MYO3B: variants seen among roughly 807,000 people sequenced by gnomAD.
MYO3B encodes myosin-IIIb.
In MYO3B, 156 loss-of-function variants were observed where a neutral mutation model predicts 174.6. The ratio of observed to expected loss-of-function variants is 0.89; its 90% CI spans 0.78 to 1.02. The LOEUF (loss-of-function observed/expected upper bound fraction) is 1.02. Ranked by LOEUF, MYO3B falls within the 50% of genes least tolerant of loss-of-function variation. The pLI is 0.00. For synonymous variants in MYO3B, 563 were observed against 569.1 expected, an observed-to-expected ratio of 0.99 and a Z score of 0.15; for missense variants, 1,632 against 1,639.4, an observed-to-expected ratio of 1.00 and a Z score of 0.08.
At chr2:170,415,682 C>T (rs902829821) in intron 22 of MYO3B, among the ~76,000 whole-genome samples, 1 of 152,194 alleles carries the variant, frequency 6.6e-6, no homozygotes, top group Admixed American at 6.5e-5. Flanking sequence ...AAAGATACCA[C>T]ATGACCAATG....
At chr2:170,367,662 C>T (rs944486333) in intron 8 of MYO3B, among the ~76,000 whole-genome samples, 2 of 152,124 alleles carry the variant, frequency 1.3e-5, no homozygotes, top group Non-Finnish European at 2.9e-5. Flanking sequence ...AGCATTTTTG[C>T]ATAATATCTA....
At chr2:170,645,005 C>G (rs1698256223) in intron 32 of MYO3B, among the ~76,000 whole-genome samples, 2 of 152,112 alleles carry the variant, frequency 1.3e-5, no homozygotes, top group Admixed American at 6.6e-5. Context: ...ATGTTAAATG[C>G]AAACTGGTAT....
intron 25 of MYO3B, 33 bp downstream of exon 25, chr2:170,466,744 T>A (rs769558033): frequency 6.2e-7 from 1 of 1,603,950 alleles, no homozygotes; most frequent in Admixed American, 1.7e-5. Flanking sequence ...TGCATTCTTA[T>A]AAATGTAGCT....
At chr2:170,605,125 G>T (rs141684645) in intron 32 of MYO3B, among the ~76,000 whole-genome samples, 1 of 152,138 alleles carries the variant, frequency 6.6e-6, no homozygotes, top group Non-Finnish European at 1.5e-5. Flanking sequence ...CAGATCCAGG[G>T]CATCTTCTCT....
intron 25 of MYO3B, among the ~76,000 whole-genome samples, chr2:170,473,070 G>A (rs1483107855): frequency 6.7e-6 from 1 of 148,216 alleles, no homozygotes; most frequent in East Asian, 2.0e-4. Flanking sequence ...ATTAATATTT[G>A]TTGAGTTGAA....
At position 170,411,361 on chromosome 2, in the gene MYO3B, A is replaced by G. The variant is rs144206743; in HGVS notation, c.2650+3517A>G. 1.2e-4 allele frequency among the ~76,000 whole-genome samples: 18 copies of G among 152,374 alleles called. No individual in the cohort carries two copies. In the East Asian group the frequency reaches 2.1e-3, roughly 18 times the overall value. On this transcript the variant is annotated intron_variant, in intron 22 of 34. Transcript: ENST00000408978. ...ACCTAAATGATATAATCTACTATAC[A>G]TCTAGGCTATATGTTGTAGTCTACT...
At chr2:170,447,262 G>A (rs372924902) in intron 23 of MYO3B, among the ~76,000 whole-genome samples, 2 of 152,212 alleles carry the variant, frequency 1.3e-5, no homozygotes, top group African/African-American at 4.8e-5. Flanking sequence ...AGTTTTCAAT[G>A]TGTCTTGCTT....
At chr2:170,264,962 G>C (rs1376963220) in intron 7 of MYO3B, among the ~76,000 whole-genome samples, 3 of 152,186 alleles carry the variant, frequency 2.0e-5, no homozygotes, top group Non-Finnish European at 2.9e-5. Context: ...TAAGCCAAAG[G>C]GGCAAGTGGA....
chr2:170,624,109 G>A (rs1332785520), intron 32 of MYO3B, among the ~76,000 whole-genome samples: 2 of 152,192 alleles, frequency 1.3e-5, no homozygotes, highest in Non-Finnish European at 2.9e-5. Context: ...ATTCTGTGAA[G>A]AAAGTCATTG....
At position 170,214,739 on chromosome 2, in the gene MYO3B, A is replaced by G. The variant is rs374177997; in HGVS notation, c.437A>G (p.His146Arg). Reference protein sequence around the residue: ...ILYGALLGLQHLHNNRIIHRD... With the variant: ...ILYGALLGLQRLHNNRIIHRD... Reference sequence around the variant, plus strand: ...TGGGATGCCATGCAGGGCCTTCAGCATTTGCACAACAACCGAATCATCCAC... The same window carrying G: ...TGGGATGCCATGCAGGGCCTTCAGCGTTTGCACAACAACCGAATCATCCAC... Residue 146 changes from histidine (H) to arginine (R), a missense_variant, in exon 5 of 35, where the codon CAT becomes CGT. By Grantham distance (29) the His-to-Arg change is conservative. Transcript: ENST00000408978. The G allele has an allele frequency of 1.0e-4, 169 of 1,614,052 alleles. No individual in the cohort carries two copies. Among genetic ancestry groups the G allele is most frequent in the Admixed American group, 2.0e-4 (12 of 60,010 alleles).
chr2:170,515,819 TCTCA>T (rs1400531636), intron 29 of MYO3B, among the ~76,000 whole-genome samples: 2 of 152,108 alleles, frequency 1.3e-5, no homozygotes, highest in African/African-American at 4.8e-5. Flanking sequence ...CTTTAGTATC[TCTCA>T]CTCAGTCTGT....
At chr2:170,629,737 C>A (rs1257136384) in intron 32 of MYO3B, among the ~76,000 whole-genome samples, 5 of 152,142 alleles carry the variant, frequency 3.3e-5, no homozygotes, top group African/African-American at 1.2e-4. Context: ...ATAATCCCAG[C>A]TACTCACGAG....
chr2:170,338,442 T>G (rs543086503), intron 8 of MYO3B, among the ~76,000 whole-genome samples: 2 of 152,300 alleles, frequency 1.3e-5, no homozygotes, highest in South Asian at 4.1e-4. Context: ...CTTCTTGACC[T>G]CAGCCCTCCA....
chr2:170,652,060 A>G, intron 33 of MYO3B, 48 bp from the exon 34 acceptor site: 1 of 1,569,984 alleles, frequency 6.4e-7, no homozygotes, highest in Middle Eastern at 1.7e-4. Context: ...TTAAAAATTA[A>G]CGACTTGCTG....
intron 32 of MYO3B, among the ~76,000 whole-genome samples, chr2:170,565,013 A>G (rs1054942980): frequency 6.8e-6 from 1 of 147,038 alleles, no homozygotes; most frequent in African/African-American, 2.7e-5. Context: ...TGCAGGGGGA[A>G]AAACTCCTTT....
intron 7 of MYO3B, among the ~76,000 whole-genome samples, chr2:170,335,167 G>T (rs1475298361): frequency 2.6e-5 from 4 of 152,148 alleles, no homozygotes; most frequent in Non-Finnish European, 5.9e-5. Flanking sequence ...CACAGGTCCT[G>T]AGAAGGCCAG....
intron 32 of MYO3B, among the ~76,000 whole-genome samples, chr2:170,597,372 G>GAAAAAAA (rs1045370668): frequency 1.6e-5 from 1 of 61,336 alleles, no homozygotes. Flanking sequence ...CATCTCAAAA[G>GAAAAAAA]AAAAAAAAAA....
At chr2:170,255,282 G>A (rs2093294761) in intron 7 of MYO3B, among the ~76,000 whole-genome samples, 2 of 152,138 alleles carry the variant, frequency 1.3e-5, no homozygotes, top group African/African-American at 2.4e-5. Flanking sequence ...GTCATTGTAG[G>A]AGGCTCCCTC....
rs1692642644 is a variant in MYO3B, at chr2:170,574,223, C to T, written c.3733+30235C>T. ...GAAATGTGACCATCTTGATGATATG[C>T]ATGCACGGTAGGTTCTCATTAACCT... On this transcript the variant is annotated intron_variant, in intron 32 of 34. Coordinates refer to ENST00000408978, the MANE Select transcript of MYO3B (RefSeq NM_138995.5). Among the ~76,000 whole-genome samples the T allele has an allele frequency of 2.6e-5, 4 of 152,154 alleles. No individual in the cohort carries two copies. The South Asian group carries it at 8.3e-4, about 32-fold the overall frequency.
Sources: allele counts gnomAD v4.1 joint callset (sites outside exome capture counted in the v4.1 genomes callset), GRCh38; gene constraint gnomAD v4.1.1; transcripts MANE v1.5; gene names NCBI Gene and HGNC (gene_info 2026-07-23, HGNC 2026-07-21).